The following CDH12 variants were observed in gnomAD, a reference collection of about 807,000 sequenced individuals.
CDH12 encodes cadherin 12, also known as cadherin-12.
A neutral mutation model predicts 74.1 loss-of-function variants in CDH12; 41 were observed. That is an observed-to-expected ratio of 0.55 (90% CI 0.43 to 0.72). The LOEUF is 0.72. Among genes scored for constraint, CDH12 ranks in the 30% least tolerant of loss-of-function variants. The pLI is 0.00. For synonymous variants in CDH12, 399 were observed against 355.0 expected (o/e 1.12, Z -1.39); for missense variants, 945 against 977.2 (o/e 0.97, Z 0.44).
At chr5:22,637,785 T>C (rs1391841617) in intron 1 of CDH12, among the ~76,000 whole-genome samples, 1 of 152,236 alleles carries the variant, frequency 6.6e-6, no homozygotes, top group Non-Finnish European at 1.5e-5. Flanking sequence ...AATTTATTCC[T>C]CTTTGGTCAG....
At chr5:22,053,698 T>A (rs1740546205) in intron 5 of CDH12, among the ~76,000 whole-genome samples, 2 of 152,126 alleles carry the variant, frequency 1.3e-5, no homozygotes, top group African/African-American at 4.8e-5. Flanking sequence ...AAATAATACC[T>A]ACATATTCTC....
At chr5:21,764,043 C>A (rs1744867208) in intron 12 of CDH12, among the ~76,000 whole-genome samples, 1 of 152,126 alleles carries the variant, frequency 6.6e-6, no homozygotes, top group African/African-American at 2.4e-5. Flanking sequence ...TCTAAAGTGG[C>A]TTGCTTACTG....
intron 1 of CDH12, among the ~76,000 whole-genome samples, chr5:22,686,544 T>G (rs1396130995): frequency 2.0e-5 from 3 of 152,194 alleles, no homozygotes; most frequent in African/African-American, 7.2e-5. Context: ...TTTTGACTTT[T>G]TTTTTGAATA....
At chr5:22,307,375 G>C (rs1034946321) in intron 3 of CDH12, among the ~76,000 whole-genome samples, 3 of 152,196 alleles carry the variant, frequency 2.0e-5, no homozygotes, top group Non-Finnish European at 4.4e-5. Context: ...ACTAAGTTGT[G>C]ATTGTGTGGT....
At chr5:21,840,139 T>A (rs1206651960) in intron 8 of CDH12, among the ~76,000 whole-genome samples, 3 of 152,162 alleles carry the variant, frequency 2.0e-5, no homozygotes, top group Non-Finnish European at 1.5e-5. Context: ...TCAACACATA[T>A]AATCACCAAA....
At chr5:22,615,037 CA>C (rs1737625084) in intron 1 of CDH12, among the ~76,000 whole-genome samples, 1 of 151,944 alleles carries the variant, frequency 6.6e-6, no homozygotes, top group Non-Finnish European at 1.5e-5. Flanking sequence ...ACTTAAAATG[CA>C]AAAATTATTT....
chr5:22,760,637 T>A (rs1398676882), intron 1 of CDH12, among the ~76,000 whole-genome samples: 1 of 127,782 alleles, frequency 7.8e-6, no homozygotes, highest in African/African-American at 3.1e-5. Flanking sequence ...TGAGATCATG[T>A]CATTGCACTC....
chr5:22,168,131 A>C (rs988670489), intron 4 of CDH12, among the ~76,000 whole-genome samples: 5 of 152,160 alleles, frequency 3.3e-5, no homozygotes, highest in African/African-American at 9.7e-5. Context: ...GTAGTTCTGT[A>C]CCGATATCAT....
intron 2 of CDH12, among the ~76,000 whole-genome samples, chr5:22,456,173 T>C (rs1405384492): frequency 2.7e-5 from 4 of 150,800 alleles, no homozygotes; most frequent in Non-Finnish European, 5.9e-5. Context: ...AAAAATGTAA[T>C]GAAATAATTA....
intron 1 of CDH12, among the ~76,000 whole-genome samples, chr5:22,794,456 G>A (rs908605473): frequency 6.6e-6 from 1 of 152,100 alleles, no homozygotes; most frequent in African/African-American, 2.4e-5. Flanking sequence ...AACTTAACTG[G>A]AGCGGAGTCT....
chr5:21,829,166 G>A (rs563955143), intron 8 of CDH12, among the ~76,000 whole-genome samples: 5 of 152,200 alleles, frequency 3.3e-5, no homozygotes, highest in East Asian at 3.9e-4. Flanking sequence ...GTGGTAGTGC[G>A]TACCTGTAAT....
chr5:22,244,955 A>G (rs1036099932), intron 3 of CDH12, among the ~76,000 whole-genome samples: 5 of 152,080 alleles, frequency 3.3e-5, no homozygotes, highest in African/African-American at 7.2e-5. Context: ...TCTAGAAAAG[A>G]GCATTCCTGG....
intron 3 of CDH12, among the ~76,000 whole-genome samples, chr5:22,219,969 A>G (rs1470694107): frequency 2.6e-5 from 4 of 151,740 alleles, no homozygotes; most frequent in African/African-American, 4.8e-5. Flanking sequence ...AACTATGTAT[A>G]CCCCCAAATA....
intron 7 of CDH12, 70 bp from the exon 8 acceptor site, chr5:21,842,398 GCAA>G (rs1311509300): frequency 2.8e-6 from 3 of 1,084,050 alleles, no homozygotes; most frequent in Non-Finnish European, 4.0e-6. Context: ...AAAATAAAAT[GCAA>G]CAACAACATG....
chr5:22,811,406 C>T (rs540884483), intron 1 of CDH12, among the ~76,000 whole-genome samples: 90 of 152,114 alleles, frequency 5.9e-4, no homozygotes, highest in Admixed American at 2.1e-3. Context: ...GCAGATTAGA[C>T]GATATTCAGT....
chr5:21,917,693 G>A (rs1014509593), intron 6 of CDH12, among the ~76,000 whole-genome samples: 7 of 152,128 alleles, frequency 4.6e-5, no homozygotes, highest in Admixed American at 1.3e-4. Flanking sequence ...TCAATGAAAC[G>A]CTGAAGCACC....
chr5:22,213,961 AAG>A (rs780639110), intron 3 of CDH12, among the ~76,000 whole-genome samples: 16 of 151,678 alleles, frequency 1.1e-4, no homozygotes, highest in Admixed American at 1.3e-4. Flanking sequence ...GTGTGTGAGA[AAG>A]AGAGAGAGGA....
At chr5:22,006,744 T>C (rs1229491232) in intron 5 of CDH12, among the ~76,000 whole-genome samples, 1 of 152,324 alleles carries the variant, frequency 6.6e-6, no homozygotes, top group East Asian at 1.9e-4. Flanking sequence ...TCCTCATCTG[T>C]ATAATCTGAT....
chr5:22,311,519 T>G (rs1167364904), intron 3 of CDH12, among the ~76,000 whole-genome samples: 1 of 151,960 alleles, frequency 6.6e-6, no homozygotes, highest in African/African-American at 2.4e-5. Context: ...CTGACCAACA[T>G]GGTGAAACCT....
Sources: allele counts gnomAD v4.1 joint callset (sites outside exome capture counted in the v4.1 genomes callset), GRCh38; gene constraint gnomAD v4.1.1; transcripts MANE v1.5; gene names NCBI Gene and HGNC (gene_info 2026-07-23, HGNC 2026-07-21).